Variants in FERMT1 observed in about 807,000 individuals in gnomAD.
FERMT1 encodes FERM domain containing kindlin 1.
FERMT1 carries 60 observed loss-of-function variants against 85.3 expected under a neutral mutation model. The ratio of observed to expected loss-of-function variants is 0.70; its 90% confidence interval spans 0.57 to 0.87. FERMT1 has a LOEUF of 0.87. Among genes scored for constraint, FERMT1 ranks in the 40% least tolerant of loss-of-function variants. The pLI, the probability that FERMT1 is intolerant of heterozygous loss-of-function variation, is 0.00. For missense variants in FERMT1, 701 were observed against 818.9 expected (o/e 0.86, Z 1.76); for synonymous variants, 275 against 301.1 (o/e 0.91, Z 0.90).
At chr20:6,084,269 T>G (rs1413343152) in intron 12 of FERMT1, 105 bp from the exon 13 acceptor site, 1 of 1,250,770 alleles carries the variant, frequency 8.0e-7, no homozygotes, top group African/African-American at 1.5e-5. Context: ...AAGGTCCGTC[T>G]GCAGCTCTAC....
chr20:6,077,383 C>T lies in FERMT1; in HGVS notation c.1861-37G>A, dbSNP rs117537274. 7.5e-5 allele frequency: 120 copies of T among 1,608,284 alleles called. No individual in the cohort carries two copies. The Middle Eastern group carries it at 1.2e-3, about 16-fold the overall frequency. On this transcript the variant is annotated intron_variant, in intron 14 of 14. Transcript: ENST00000217289. The stretch of plus-strand genomic sequence containing the variant: ...AGGCACAGAGAAGCTTAAACTCTGA[C>T]AAGGAATGATGAAAAAAAAAGTGCT...
chr20:6,078,175 A>G (rs1262490420), intron 14 of FERMT1, among the ~76,000 whole-genome samples: 1 of 152,172 alleles, frequency 6.6e-6, no homozygotes, highest in Non-Finnish European at 1.5e-5. Flanking sequence ...CTCCTCCCAG[A>G]GATTCAGATT....
intron 6 of FERMT1, among the ~76,000 whole-genome samples, chr20:6,101,648 T>C (rs971771696): frequency 2.6e-5 from 4 of 152,306 alleles, no homozygotes; most frequent in Admixed American, 1.3e-4. Flanking sequence ...TTTCTTATTA[T>C]GTTTGTTTGT....
intron 9 of FERMT1, among the ~76,000 whole-genome samples, chr20:6,089,743 A>G (rs1269399095): frequency 6.6e-6 from 1 of 152,180 alleles, no homozygotes; most frequent in Non-Finnish European, 1.5e-5. Flanking sequence ...ATTAAAAACT[A>G]TTTTGGGGAA....
At chr20:6,103,441 T>G (rs964708804) in intron 6 of FERMT1, among the ~76,000 whole-genome samples, 1 of 151,994 alleles carries the variant, frequency 6.6e-6, no homozygotes, top group African/African-American at 2.4e-5. Flanking sequence ...CACCTAGGAG[T>G]GGATTTGCTG....
In FERMT1 at chr20:6,104,484, CAT is replaced by C. The variant is rs1568661613; in HGVS notation, c.849+3046_849+3047del. On this transcript the variant is annotated intron_variant, in intron 6 of 14. Coordinates refer to ENST00000217289, the MANE Select transcript of FERMT1 (RefSeq NM_017671.5). The surrounding 1 kb of genome is among the most constrained non-coding windows in gnomAD (Gnocchi z 4.2). ...TAAACTTGATTTTATCTATAGCACT[CAT>C]AATTTTGAGAGAGGGGGAAGGGAAT... 6.6e-6 allele frequency among the ~76,000 whole-genome samples: 1 copy of C among 152,154 alleles called. No individual in the cohort carries two copies. The highest frequency in any genetic ancestry group is 1.5e-5 in the Non-Finnish European group (1 of 68,036).
chr20:6,089,357 G>T (rs1275747861), intron 9 of FERMT1, among the ~76,000 whole-genome samples: 2 of 152,320 alleles, frequency 1.3e-5, no homozygotes, highest in Non-Finnish European at 2.9e-5. Flanking sequence ...ACTTACCTGG[G>T]CTGCGTGCAC....
rs375882465 is a variant in FERMT1 at position 6,116,515 on chromosome 20, G to A, written c.152-471C>T. On this transcript the variant is annotated intron_variant, in intron 2 of 14. Coordinates refer to ENST00000217289, the MANE Select transcript of FERMT1 (RefSeq NM_017671.5). ...AGGCTGATGCAAGCGATCACCTGAG[G>A]TCAGGAGTTCGAGACCAGCCCGGCC... 2.6e-5 allele frequency among the ~76,000 whole-genome samples: 4 copies of A among 152,080 alleles called. No individual in the cohort carries two copies. The South Asian group carries it at 6.2e-4, about 24-fold the overall frequency.
intron 6 of FERMT1, among the ~76,000 whole-genome samples, chr20:6,100,621 G>C (rs1454113391): frequency 6.6e-6 from 1 of 152,102 alleles, no homozygotes; most frequent in Admixed American, 6.6e-5. Flanking sequence ...ATCTCAAAAA[G>C]CTATTATAAA....
Position 6,076,271 on chromosome 20 carries a change from T to C in FERMT1, c.*902A>G, listed in dbSNP as rs6053878. On this transcript the variant is annotated 3_prime_UTR_variant, in exon 15 of 15. Transcript: ENST00000217289. ...CCCTTCTCTCCCTGACCAGTTGGGA[T>C]AGACACCTGACTGGAATCCTTGACA... The C allele has an allele frequency of 0.085, 31,058 of 366,724 alleles. 1,992 individuals carry two copies. Among genetic ancestry groups the C allele is most frequent in the African/African-American group, 0.18 (8,634 of 47,316 alleles). 22.7% of individuals were successfully genotyped at this position (366,724 alleles called of 1,614,324 possible).
At position 6,087,800 on chromosome 20, in the gene FERMT1, C is replaced by A. The variant is rs1478026917; in HGVS notation, c.1348G>T (p.Glu450Ter). 1 of 1,600,644 alleles carries A rather than the reference C, an allele frequency of 6.2e-7. No homozygotes were observed. Among genetic ancestry groups the A allele is most frequent in the Non-Finnish European group, 8.6e-7 (1 of 1,167,930 alleles). The change falls in exon 11 of 15, where the codon GAA becomes TAA. Residue 450 changes from glutamate (E) to a stop codon, truncating the protein, a stop_gained. Coordinates refer to ENST00000217289, the MANE Select transcript of FERMT1 (RefSeq NM_017671.5). LOFTEE classifies it high-confidence loss of function. Reference sequence around the variant, plus strand: ...ACATGGTCACATCTCAAATACATTTCATTCATACCATCGGCAACAGGGATT... The same window carrying A: ...ACATGGTCACATCTCAAATACATTTAATTCATACCATCGGCAACAGGGATT... Reference protein sequence around the residue: ...LLIPVADGMNEMYLRCDHENQ... With the variant: ...LLIPVADGMN
Position 6,076,292 on chromosome 20 carries a change from T to C in FERMT1, c.*881A>G, listed in dbSNP as rs769454885. ...GGGATAGACACCTGACTGGAATCCT[T>C]GACACTGGCAGGTGTTTCTATGAAC... On this transcript the variant is annotated 3_prime_UTR_variant, in exon 15 of 15. Coordinates refer to ENST00000217289, the MANE Select transcript of FERMT1 (RefSeq NM_017671.5). 5.3e-6 allele frequency: 2 copies of C among 380,754 alleles called. No individual in the cohort carries two copies. The highest frequency in any genetic ancestry group is 4.0e-5 in the South Asian group (2 of 50,202). The allele number at this position is 380,754 out of a possible 1,614,324, so 23.6% of individuals were successfully genotyped here.
rs1312607881 is a variant in FERMT1, at chr20:6,112,556, T to C, written c.453A>G (p.Lys151=). The C allele has an allele frequency of 1.2e-6, 2 of 1,609,718 alleles. No homozygotes were observed. Among genetic ancestry groups the C allele is most frequent in the Non-Finnish European group, 1.7e-6 (2 of 1,177,502 alleles). The part of the protein sequence containing the change: ...PSGDYFKKKK[K]KDKNNKEPII... ...TGGGTTCCTTATTATTTTTGTCTTT[T>C]TTCTTCTTCTTCTTAAAATAGTCAC... Residue 151 remains lysine (K), a synonymous_variant, in exon 4 of 15, where the codon AAA becomes AAG. Transcript: ENST00000217289.
rs1016566507 is a variant in FERMT1, at chr20:6,077,402, A to T, written c.1861-56T>A. On this transcript the variant is annotated intron_variant, in intron 14 of 14. Coordinates refer to ENST00000217289, the MANE Select transcript of FERMT1 (RefSeq NM_017671.5). ...CTCTGACAAGGAATGATGAAAAAAA[A>T]AGTGCTTTGCTGGACTGGCCCCTGG... 3.1e-6 allele frequency: 5 copies of T among 1,601,414 alleles called. No homozygotes were observed. In the Admixed American group the frequency reaches 8.4e-5, roughly 27 times the overall value.
chr20:6,113,389 C>T (rs1983013117), intron 3 of FERMT1, among the ~76,000 whole-genome samples: 2 of 152,192 alleles, frequency 1.3e-5, no homozygotes, highest in South Asian at 4.1e-4. Context: ...TCTCCCTTTC[C>T]TTTTTCCAGT....
At chr20:6,109,432 G>A (rs1159563899) in intron 5 of FERMT1, among the ~76,000 whole-genome samples, 6 of 152,208 alleles carry the variant, frequency 3.9e-5, no homozygotes, top group South Asian at 2.1e-4. Context: ...GGGAGGACAC[G>A]GAGACACCTG....
rs753929 is a variant in FERMT1 at position 6,083,907 on chromosome 20, A to G, written c.1718+133T>C. ...TTTATGAGCAGCCCAAAGTGTCAGG[A>G]CTATTTATAAAAGGGCAATATTCTC... On this transcript the variant is annotated intron_variant, in intron 13 of 14. Coordinates refer to ENST00000217289, the MANE Select transcript of FERMT1 (RefSeq NM_017671.5). 282,116 of 1,015,764 alleles carry G rather than the reference A, an allele frequency of 0.28. 43,415 individuals carry two copies. The highest frequency in any genetic ancestry group is 0.63 in the East Asian group (24,421 of 38,760). The allele number at this position is 1,015,764 out of a possible 1,614,324, so 62.9% of individuals were successfully genotyped here.
chr20:6,096,973 C>T lies in FERMT1; in HGVS notation c.1018G>A (p.Val340Ile), dbSNP rs138745546. Residue 340 changes from valine (V) to isoleucine (I), a missense_variant, in exon 8 of 15, where the codon GTT (valine) becomes ATT (isoleucine). Coordinates refer to ENST00000217289, the MANE Select transcript of FERMT1 (RefSeq NM_017671.5). ...GAAAGCGCCGCTTCTATTTCATCAA[C>T]CTCGGACTCGCCTGCAAAATCCTGT... Reference protein sequence around the residue: ...ETQDFAGESEVDEIEAALSNL... With the variant: ...ETQDFAGESEIDEIEAALSNL... The T allele has an allele frequency of 1.2e-6, 2 of 1,613,910 alleles. No homozygotes were observed. Among genetic ancestry groups the T allele is most frequent in the East Asian group, 2.2e-5 (1 of 44,884 alleles).
intron 14 of FERMT1, 74 bp from the exon 15 acceptor site, chr20:6,077,420 G>C: frequency 1.3e-6 from 2 of 1,488,496 alleles, no homozygotes; most frequent in Non-Finnish European, 1.9e-6. Context: ...TGCTGGACTG[G>C]CCCCTGGAGC....
Sources: allele counts gnomAD v4.1 joint callset (sites outside exome capture counted in the v4.1 genomes callset), GRCh38; gene constraint gnomAD v4.1.1; non-coding constraint Gnocchi (gnomAD v3.1); transcripts MANE v1.5; gene names NCBI Gene and HGNC (gene_info 2026-07-23, HGNC 2026-07-21).